NEK7: variants seen among roughly 807,000 people sequenced by gnomAD.
NEK7 encodes NIMA related kinase 7.
NEK7 carries 18 observed loss-of-function variants against 44.6 expected under a neutral mutation model. The ratio of observed to expected loss-of-function variants is 0.40; its 90% CI spans 0.28 to 0.60. NEK7 has a LOEUF of 0.60. NEK7 is among the 20% of genes least tolerant of loss of function. The probability of loss-of-function intolerance (pLI) is 0.38; values close to 1 mark genes in which losing one functional copy is unlikely to be tolerated. For missense variants in NEK7, 256 were observed against 366.5 expected, an observed-to-expected ratio of 0.70 and a Z score of 2.46; for synonymous variants, 130 against 121.1, an observed-to-expected ratio of 1.07 and a Z score of -0.48.
intron 5 of NEK7, among the ~76,000 whole-genome samples, chr1:198,266,674 G>C (rs958077477): frequency 1.3e-5 from 2 of 151,982 alleles, no homozygotes; most frequent in Admixed American, 6.6e-5. Flanking sequence ...AATTGGGTCA[G>C]TAATACCTGT....
intron 1 of NEK7, among the ~76,000 whole-genome samples, chr1:198,179,908 C>G (rs1049065926): frequency 6.6e-6 from 1 of 152,004 alleles, no homozygotes; most frequent in African/African-American, 2.4e-5. Context: ...GTCAGGAAAC[C>G]TGAGTTTCTT....
chr1:198,254,231 C>T (rs1310554930), intron 3 of NEK7, among the ~76,000 whole-genome samples: 1 of 152,070 alleles, frequency 6.6e-6, no homozygotes, highest in East Asian at 1.9e-4. Flanking sequence ...CCCGCATATC[C>T]ACAAGGCAGC....
chr1:198,311,002 G>A (rs1655165798), intron 9 of NEK7, among the ~76,000 whole-genome samples: 1 of 149,032 alleles, frequency 6.7e-6, no homozygotes, highest in South Asian at 2.2e-4. Context: ...GATGGGAATG[G>A]CATTGAATCT....
At chr1:198,193,026 G>GTT (rs142940850) in intron 1 of NEK7, among the ~76,000 whole-genome samples, 2 of 143,912 alleles carry the variant, frequency 1.4e-5, no homozygotes, top group African/African-American at 2.5e-5. Flanking sequence ...TCCAGGAGCG[G>GTT]TTTTTTTTTT....
chr1:198,183,308 C>A (rs138360355), intron 1 of NEK7, among the ~76,000 whole-genome samples: 40 of 152,264 alleles, frequency 2.6e-4, no homozygotes, highest in African/African-American at 8.9e-4. Context: ...TTTAATGGAA[C>A]CATTCTGAGT....
At chr1:198,178,359 T>C (rs2102737012) in intron 1 of NEK7, among the ~76,000 whole-genome samples, 1 of 152,172 alleles carries the variant, frequency 6.6e-6, no homozygotes, top group Non-Finnish European at 1.5e-5. Context: ...TCGAAATGAA[T>C]AGGAATCTTT....
chr1:198,283,409 A>G (rs1354320247), intron 7 of NEK7, among the ~76,000 whole-genome samples: 1 of 152,076 alleles, frequency 6.6e-6, no homozygotes, highest in African/African-American at 2.4e-5. Flanking sequence ...ATTGGAACTC[A>G]TTAGCCCATA....
intron 5 of NEK7, among the ~76,000 whole-genome samples, chr1:198,275,316 G>A (rs908016594): frequency 1.3e-5 from 2 of 151,058 alleles, no homozygotes; most frequent in African/African-American, 2.4e-5. Context: ...TAAAAAAGTT[G>A]CAATTCTATT....
Position 198,232,557 on chromosome 1 carries a change from C to T in NEK7, c.-24C>T, listed in dbSNP as rs749560399. Reference sequence around the variant, plus strand: ...TTCAACTTTACATTTTTGCAGAGTTCTAAAGTTCCTGTTGCTTCAGACAAT... The same window carrying T: ...TTCAACTTTACATTTTTGCAGAGTTTTAAAGTTCCTGTTGCTTCAGACAAT... On this transcript the variant is annotated 5_prime_UTR_variant, in exon 2 of 10. Coordinates refer to ENST00000367385, the MANE Select transcript of NEK7 (RefSeq NM_133494.3). 1 of 1,536,182 alleles carries T rather than the reference C, an allele frequency of 6.5e-7. No homozygotes were observed. The highest frequency in any genetic ancestry group is 9.0e-7 in the Non-Finnish European group (1 of 1,110,254).
intron 8 of NEK7, among the ~76,000 whole-genome samples, chr1:198,296,244 C>T (rs1219355932): frequency 6.6e-6 from 1 of 152,194 alleles, no homozygotes; most frequent in African/African-American, 2.4e-5. Flanking sequence ...AAAAGGGTGA[C>T]TGACTTTGGG....
At chr1:198,201,060 A>AT (rs1316529778) in intron 1 of NEK7, among the ~76,000 whole-genome samples, 1 of 152,084 alleles carries the variant, frequency 6.6e-6, no homozygotes, top group African/African-American at 2.4e-5. Flanking sequence ...GTAGAGAGTG[A>AT]TTTTTGTGGT....
At chr1:198,187,312 A>C (rs984802642) in intron 1 of NEK7, among the ~76,000 whole-genome samples, 2 of 152,078 alleles carry the variant, frequency 1.3e-5, no homozygotes, top group Non-Finnish European at 2.9e-5. Context: ...GGCAGTCAGC[A>C]TTGCTCCTGA....
intron 1 of NEK7, among the ~76,000 whole-genome samples, chr1:198,197,438 T>C (rs973146839): frequency 1.3e-5 from 2 of 152,234 alleles, no homozygotes; most frequent in African/African-American, 4.8e-5. Flanking sequence ...AAATTTTTTA[T>C]CGAAGTGCAA....
chr1:198,307,980 C>T (rs546178124), intron 9 of NEK7, among the ~76,000 whole-genome samples: 1 of 152,174 alleles, frequency 6.6e-6, no homozygotes, highest in South Asian at 2.1e-4. Context: ...AAATCAAATG[C>T]CTTGGGTTCC....
intron 9 of NEK7, among the ~76,000 whole-genome samples, chr1:198,306,092 T>G (rs10922396): frequency 0.12 from 18,115 of 152,178 alleles, 1,406 homozygotes; most frequent in East Asian, 0.43. Flanking sequence ...TCTATAAAAT[T>G]GTACATACCA....
At chr1:198,213,386 T>G (rs762907688) in intron 1 of NEK7, among the ~76,000 whole-genome samples, 1 of 152,268 alleles carries the variant, frequency 6.6e-6, no homozygotes, top group East Asian at 1.9e-4. Flanking sequence ...CAGGAAGCCC[T>G]TGTGCTTGTG....
At chr1:198,271,613 T>C (rs972839552) in intron 5 of NEK7, among the ~76,000 whole-genome samples, 20 of 151,774 alleles carry the variant, frequency 1.3e-4, no homozygotes, top group African/African-American at 4.6e-4. Flanking sequence ...GCAATAAAGG[T>C]TTCCCAGCAG....
chr1:198,252,621 G>GTATATGTATGTTTTATATATTAAAACA (rs1417321068), intron 2 of NEK7, among the ~76,000 whole-genome samples: 1 of 111,930 alleles, frequency 8.9e-6, no homozygotes, highest in East Asian at 2.3e-4. Flanking sequence ...ATTAAAACAT[G>GTATATGTATGTTTTATATATTAAAACA]TATATGTATG....
At chr1:198,297,074 C>A in intron 8 of NEK7, 53 bp from the exon 9 acceptor site, 1 of 1,137,252 alleles carries the variant, frequency 8.8e-7, no homozygotes, top group Non-Finnish European at 1.3e-6. Flanking sequence ...TTGATGAAAT[C>A]ACCTTTTAAG....
Sources: gnomAD v4.1 joint callset for allele counts (sites outside exome capture counted in the v4.1 genomes callset) on GRCh38, gnomAD v4.1.1 for gene constraint, MANE v1.5 for transcripts, NCBI Gene and HGNC (gene_info 2026-07-23, HGNC 2026-07-21) for gene names.